The following KYAT3 variants were observed in gnomAD, a reference collection of about 807,000 sequenced individuals.
KYAT3 encodes kynurenine--oxoglutarate transaminase 3.
KYAT3 carries 50 observed loss-of-function variants against 59.0 expected under a neutral mutation model. The observed-to-expected ratio is 0.85, with a 90% CI of 0.68 to 1.07. KYAT3 has a LOEUF of 1.07. Ranked by LOEUF, KYAT3 falls within the 50% of genes least tolerant of loss-of-function variation. KYAT3 has a pLI of 0.00. For synonymous variants in KYAT3, 148 were observed against 177.0 expected, an observed-to-expected ratio of 0.84 and a Z score of 1.30; for missense variants, 497 against 533.3, an observed-to-expected ratio of 0.93 and a Z score of 0.67.
At position 88,968,637 on chromosome 1, in the gene KYAT3, A is replaced by G. The variant is rs368482081; in HGVS notation, c.303+33T>C. ...GACACACACCCCAGTATAAAATAAA[A>G]GCTCATGGCCCATATGGTCTTGATA... On this transcript the variant is annotated intron_variant, in intron 4 of 13. Coordinates refer to ENST00000260508, the MANE Select transcript of KYAT3 (RefSeq NM_001008661.3). 4.2e-5 allele frequency: 63 copies of G among 1,497,986 alleles called. No individual in the cohort carries two copies. The African/African-American group carries it at 8.8e-4, about 21-fold the overall frequency. 92.8% of individuals were successfully genotyped at this position (1,497,986 alleles called of 1,614,324 possible). A position where few individuals can be genotyped will look rare whatever the true frequency, so the allele number is the denominator to read the frequency against.
intron 2 of KYAT3, among the ~76,000 whole-genome samples, chr1:88,986,472 A>C (rs1570851107): frequency 6.6e-6 from 1 of 151,488 alleles, no homozygotes; most frequent in East Asian, 2.0e-4. Context: ...TTGTATGTTT[A>C]ATAGAGATGA....
At chr1:88,928,398 C>G in the KYAT3 span, among the ~76,000 whole-genome samples, 2 of 152,156 alleles carry the variant, frequency 1.3e-5, no homozygotes, top group Non-Finnish European at 2.9e-5. Context: ...AAAAGGGCCA[C>G]CGCTTTAGTC....
At chr1:88,958,279 G>A (rs1011370234) in intron 8 of KYAT3, among the ~76,000 whole-genome samples, 1 of 152,096 alleles carries the variant, frequency 6.6e-6, no homozygotes, top group Non-Finnish European at 1.5e-5. Flanking sequence ...TCAGGCTAGA[G>A]ATCTTAGTAG....
At chr1:88,988,391 A>C (rs1677594477) in intron 1 of KYAT3, 40 bp from the exon 2 acceptor site, 1 of 1,199,082 alleles carries the variant, frequency 8.3e-7, no homozygotes, top group East Asian at 2.3e-5. Flanking sequence ...GAATAAATAT[A>C]TGATGGGTAC....
chr1:88,927,184 C>T, the KYAT3 span, among the ~76,000 whole-genome samples: 1 of 152,146 alleles, frequency 6.6e-6, no homozygotes, highest in African/African-American at 2.4e-5. Context: ...GGGGTGCTGG[C>T]ATCCCTATGT....
chr1:88,965,784 C>G (rs1400920991), intron 4 of KYAT3, among the ~76,000 whole-genome samples: 1 of 152,132 alleles, frequency 6.6e-6, no homozygotes, highest in South Asian at 2.1e-4. Flanking sequence ...TCCTGATTTT[C>G]TATCCCTTGA....
intron 13 of KYAT3, among the ~76,000 whole-genome samples, chr1:88,939,910 T>C (rs996264092): frequency 3.3e-5 from 5 of 152,156 alleles, no homozygotes; most frequent in Non-Finnish European, 7.3e-5. Flanking sequence ...TTTCTCATTT[T>C]AAAGGTTTTA....
the KYAT3 span, among the ~76,000 whole-genome samples, chr1:88,926,327 C>A: frequency 6.6e-6 from 1 of 152,190 alleles, no homozygotes; most frequent in Non-Finnish European, 1.5e-5. Context: ...CCCTTCAGGA[C>A]AGGACACAGG....
rs1277723626 is a variant in KYAT3 at position 88,935,979 on chromosome 1, T to C, written c.*204A>G. On this transcript the variant is annotated 3_prime_UTR_variant, in exon 14 of 14. Coordinates refer to ENST00000260508, the MANE Select transcript of KYAT3 (RefSeq NM_001008661.3). ...ACTCTTATAAAATGATTGTGGAAGG[T>C]GTGTTAATACATTTCAACTGGAAAA... The C allele has an allele frequency of 2.1e-6, 1 of 475,090 alleles. No individual in the cohort carries two copies. Among genetic ancestry groups the C allele is most frequent in the East Asian group, 2.9e-5 (1 of 34,646 alleles). The allele number at this position is 475,090 out of a possible 1,614,324, so 29.4% of individuals were successfully genotyped here. A position where few individuals can be genotyped will look rare whatever the true frequency, so the allele number is the denominator to read the frequency against.
At chr1:88,989,887 G>C (rs1478678635) in intron 1 of KYAT3, among the ~76,000 whole-genome samples, 1 of 152,210 alleles carries the variant, frequency 6.6e-6, no homozygotes. Context: ...GACTGCTGGA[G>C]AAAGTCCCAC....
In KYAT3 at chr1:88,953,143, A is replaced by ACCAG; in HGVS notation, c.870_873dup (p.Ser292LeufsTer38). ...TTTATCAAATGATTTGGACCAATGG[A>ACCAG]CCAGCCAAGCTGGGAAAGGAAAAGA... On this transcript the variant is annotated frameshift_variant, in exon 10 of 14. Transcript: ENST00000260508. LOFTEE classifies it high-confidence loss of function. The ACCAG allele has an allele frequency of 2.5e-6, 4 of 1,610,510 alleles. No homozygotes were observed.
intron 8 of KYAT3, among the ~76,000 whole-genome samples, chr1:88,956,459 A>T (rs1166932574): frequency 6.6e-6 from 1 of 152,224 alleles, no homozygotes; most frequent in Non-Finnish European, 1.5e-5. Flanking sequence ...ATTAGCAACC[A>T]CCAGGTGCTA....
At chr1:88,926,813 C>T in the KYAT3 span, among the ~76,000 whole-genome samples, 1 of 152,186 alleles carries the variant, frequency 6.6e-6, no homozygotes, top group African/African-American at 2.4e-5. Flanking sequence ...AATCCTGACT[C>T]AAAAGGTTAC....
chr1:88,939,454 C>T (rs904350859), intron 13 of KYAT3, among the ~76,000 whole-genome samples: 2 of 152,200 alleles, frequency 1.3e-5, no homozygotes, highest in African/African-American at 4.8e-5. Context: ...CCATACTGAT[C>T]CTCCTCTTCT....
intron 2 of KYAT3, chr1:88,981,812 A>C (rs1399466899): frequency 7.1e-6 from 2 of 283,608 alleles, no homozygotes; most frequent in African/African-American, 2.3e-5. Context: ...TGATAGATTC[A>C]CTTTTTAGAA....
At chr1:88,936,582 A>G (rs187215498) in intron 13 of KYAT3, among the ~76,000 whole-genome samples, 4 of 152,326 alleles carry the variant, frequency 2.6e-5, no homozygotes, top group Admixed American at 2.0e-4. Context: ...GGCTACCACC[A>G]AAATCTAATA....
intron 2 of KYAT3, among the ~76,000 whole-genome samples, chr1:88,976,567 T>C (rs1483239850): frequency 2.0e-5 from 3 of 152,250 alleles, no homozygotes; most frequent in Admixed American, 6.5e-5. Flanking sequence ...GTATTTACTA[T>C]ACCATACCTT....
At chr1:88,991,673 T>C (rs1002595891) in intron 1 of KYAT3, among the ~76,000 whole-genome samples, 8 of 152,198 alleles carry the variant, frequency 5.3e-5, no homozygotes, top group Non-Finnish European at 1.2e-4. Context: ...GAGCCTGAAA[T>C]TGCTGAAAAA....
chr1:88,928,609 T>C, the KYAT3 span, among the ~76,000 whole-genome samples: 2 of 152,058 alleles, frequency 1.3e-5, no homozygotes, highest in East Asian at 1.9e-4. Context: ...GGGACGAAGG[T>C]CCTCTGAGTC....
Sources: allele counts gnomAD v4.1 joint callset (sites outside exome capture counted in the v4.1 genomes callset), GRCh38; gene constraint gnomAD v4.1.1; transcripts MANE v1.5; gene names NCBI Gene and HGNC (gene_info 2026-07-23, HGNC 2026-07-21).